Variants in PCDHGB7 observed in about 807,000 individuals in gnomAD.
The protein encoded by PCDHGB7 is protocadherin gamma subfamily B, 7, also known as protocadherin gamma-B7.
A neutral mutation model predicts 61.4 loss-of-function variants in PCDHGB7; 37 were observed. That is an observed-to-expected ratio of 0.60 (90% CI 0.46 to 0.79). The LOEUF (loss-of-function observed/expected upper bound fraction) is 0.79, where lower values mean the gene tolerates loss of function less well. Ranked by LOEUF, PCDHGB7 falls within the 30% of genes least tolerant of loss-of-function variation. The pLI is 0.00. For synonymous variants in PCDHGB7, 464 were observed against 503.5 expected, an observed-to-expected ratio of 0.92 and a Z score of 1.05; for missense variants, 1,166 against 1,202.5, an observed-to-expected ratio of 0.97 and a Z score of 0.45.
At chr5:141,433,066 C>A in intron 1 of PCDHGB7, 2 of 1,614,210 alleles carry the variant, frequency 1.2e-6, no homozygotes, top group Non-Finnish European at 1.7e-6. Context: ...GTCACCTGAT[C>A]TTCCCCCAGC....
At chr5:141,472,980 C>CAAAAAAAAAAAA (rs60579131) in intron 1 of PCDHGB7, among the ~76,000 whole-genome samples, 2 of 86,098 alleles carry the variant, frequency 2.3e-5, no homozygotes, top group African/African-American at 3.9e-5. Context: ...GAGTGAAACT[C>CAAAAAAAAAAAA]AAAAAAAAAA....
chr5:141,466,769 T>C (rs760924688), intron 1 of PCDHGB7, among the ~76,000 whole-genome samples: 1 of 152,198 alleles, frequency 6.6e-6, no homozygotes, highest in African/African-American at 2.4e-5. Flanking sequence ...CAAACTGTTA[T>C]CTTATTCTTC....
chr5:141,481,104 C>T (rs2099531861), intron 1 of PCDHGB7, among the ~76,000 whole-genome samples: 1 of 152,130 alleles, frequency 6.6e-6, no homozygotes. Context: ...ACTCTGGAAC[C>T]TACCAATCCA....
intron 1 of PCDHGB7, among the ~76,000 whole-genome samples, chr5:141,446,153 AT>A (rs1158236808): frequency 1.3e-5 from 2 of 152,362 alleles, no homozygotes; most frequent in East Asian, 3.9e-4. Flanking sequence ...TAGGTGGAAT[AT>A]AAATTTCATG....
intron 1 of PCDHGB7, among the ~76,000 whole-genome samples, chr5:141,456,876 T>C (rs188356008): frequency 1.5e-3 from 222 of 152,196 alleles, no homozygotes; most frequent in African/African-American, 5.2e-3. Flanking sequence ...GGCAGGAGAA[T>C]CGCTTGAACC....
chr5:141,448,103 A>G (rs1252710550), intron 1 of PCDHGB7, among the ~76,000 whole-genome samples: 2 of 151,992 alleles, frequency 1.3e-5, no homozygotes, highest in Non-Finnish European at 2.9e-5. Context: ...AAAAAATTAA[A>G]AGAAAAGAAA....
In PCDHGB7 at chr5:141,476,467, G is replaced by A. The variant is rs375302797; in HGVS notation, c.2416-18340G>A. On this transcript the variant is annotated intron_variant, in intron 1 of 3. Transcript: ENST00000398594. This position sits in a 1 kb window ranked among gnomAD's most constrained non-coding sequence, Gnocchi z 7.6. Reference sequence around the variant, plus strand: ...AGTTGGTAGTGGAGAACCCGCTGGAGCTGTTCAGCGTGGAAGTGGTGATCC... The same window carrying A: ...AGTTGGTAGTGGAGAACCCGCTGGAACTGTTCAGCGTGGAAGTGGTGATCC... The A allele has an allele frequency of 2.3e-5, 37 of 1,614,142 alleles. No individual in the cohort carries two copies. The African/African-American group carries it at 4.5e-4, about 20-fold the overall frequency.
intron 1 of PCDHGB7, among the ~76,000 whole-genome samples, chr5:141,452,271 C>A (rs1592214421): frequency 6.6e-6 from 1 of 152,108 alleles, no homozygotes. Flanking sequence ...TTTCTTGAAC[C>A]CTTTCTTACT....
At chr5:141,495,800 C>T (rs1351461035) in intron 2 of PCDHGB7, among the ~76,000 whole-genome samples, 5 of 152,134 alleles carry the variant, frequency 3.3e-5, no homozygotes, top group Non-Finnish European at 7.3e-5. Context: ...CTCCTTTCAC[C>T]GTTTCCTAGC....
rs775284049 is a variant in PCDHGB7 at position 141,431,448 on chromosome 5, T to C, written c.2415+11174T>C. On this transcript the variant is annotated intron_variant, in intron 1 of 3. Coordinates refer to ENST00000398594, the MANE Select transcript of PCDHGB7 (RefSeq NM_018927.4). The surrounding 1 kb of genome is among the most constrained non-coding windows in gnomAD (Gnocchi z 4.8). ...CGCACAGGCACCGCGCGCATCCGCG[T>C]GATGGTTCTGGATGCGAACGACAAC... 2.5e-6 allele frequency: 4 copies of C among 1,613,706 alleles called. No individual in the cohort carries two copies. The South Asian group carries it at 4.4e-5, about 18-fold the overall frequency.
At chr5:141,447,947 A>G (rs2098555998) in intron 1 of PCDHGB7, among the ~76,000 whole-genome samples, 1 of 151,958 alleles carries the variant, frequency 6.6e-6, no homozygotes, top group South Asian at 2.1e-4. Flanking sequence ...TTAGCTGGGC[A>G]TGGTGGCGGA....
rs769249726 is a variant in PCDHGB7 at position 141,490,832 on chromosome 5, A to C, written c.2416-3975A>C. On this transcript the variant is annotated intron_variant, in intron 1 of 3. Transcript: ENST00000398594. This position sits in a 1 kb window ranked among gnomAD's most constrained non-coding sequence, Gnocchi z 5.4. Reference sequence around the variant, plus strand: ...GACTATGAATTGCTGCAGATGCTGCAGATTGTGGTGGGGGTTCGAGACTCC... The same window carrying C: ...GACTATGAATTGCTGCAGATGCTGCCGATTGTGGTGGGGGTTCGAGACTCC... 1.5e-5 allele frequency: 25 copies of C among 1,613,796 alleles called. No individual in the cohort carries two copies. In the South Asian group the frequency reaches 2.6e-4, roughly 17 times the overall value.
rs11343387 is a variant in PCDHGB7 at position 141,497,209 on chromosome 5, TGG to T, written c.2474+2352_2474+2353del. On this transcript the variant is annotated intron_variant, in intron 2 of 3. Transcript: ENST00000398594. ...GAGGCAGAGAACAATGTGAGTGTAATGGGGGGGGGAAGATCAGAGAAGGCTTC... is the reference window on the plus strand; with the variant it reads ...GAGGCAGAGAACAATGTGAGTGTAATGGGGGGGAAGATCAGAGAAGGCTTC... Among the ~76,000 whole-genome samples the T allele has an allele frequency of 3.8e-3, 569 of 151,352 alleles. 5 individuals are homozygous for T. Among genetic ancestry groups the T allele is most frequent in the Admixed American group, 0.011 (162 of 15,190 alleles).
rs149649459 is a variant in PCDHGB7, at chr5:141,505,183, G to A, written c.2475-210G>A. ...TCTAAAACAAAAAGAAAAAAGCATC[G>A]GAGGCAGCAAAGAGCTGGTTTGAGG... On this transcript the variant is annotated intron_variant, in intron 2 of 3. Transcript: ENST00000398594. Among the ~76,000 whole-genome samples, 214 of 152,244 alleles carry A rather than the reference G, an allele frequency of 1.4e-3. 1 individual carries two copies. Among genetic ancestry groups the A allele is most frequent in the African/African-American group, 4.8e-3 (200 of 41,530 alleles).
At chr5:141,433,646 A>G (rs2097639113) in intron 1 of PCDHGB7, among the ~76,000 whole-genome samples, 1 of 152,012 alleles carries the variant, frequency 6.6e-6, no homozygotes, top group Non-Finnish European at 1.5e-5. Flanking sequence ...GACCAGCCTG[A>G]CCAACATGGA....
chr5:141,483,786 C>T (rs2099587125), intron 1 of PCDHGB7, among the ~76,000 whole-genome samples: 1 of 152,136 alleles, frequency 6.6e-6, no homozygotes, highest in African/African-American at 2.4e-5. Context: ...AGGATAAGAA[C>T]TCCAGTTGTT....
intron 1 of PCDHGB7, among the ~76,000 whole-genome samples, chr5:141,494,392 A>C (rs1296077484): frequency 1.3e-5 from 2 of 152,258 alleles, no homozygotes; most frequent in East Asian, 3.9e-4. Flanking sequence ...GAGTTGAATA[A>C]ATTCATTCTA....
intron 1 of PCDHGB7, chr5:141,478,167 G>A: frequency 6.2e-7 from 1 of 1,613,772 alleles, no homozygotes; most frequent in Non-Finnish European, 8.5e-7. Context: ...TCTGCCCCCC[G>A]GGAGCAGAAA....
At chr5:141,507,563 G>A (rs2099861587) in intron 3 of PCDHGB7, among the ~76,000 whole-genome samples, 1 of 152,222 alleles carries the variant, frequency 6.6e-6, no homozygotes, top group Non-Finnish European at 1.5e-5. Flanking sequence ...CAGGCGGCTG[G>A]GTCTGAGGAG....
Sources: allele counts gnomAD v4.1 joint callset (sites outside exome capture counted in the v4.1 genomes callset), GRCh38; gene constraint gnomAD v4.1.1; non-coding constraint Gnocchi (gnomAD v3.1); transcripts MANE v1.5; gene names NCBI Gene and HGNC (gene_info 2026-07-23, HGNC 2026-07-21).